Variants in LINGO2 observed in about 807,000 individuals in gnomAD.
The protein encoded by LINGO2 is leucine rich repeat and Ig domain containing 2.
Under a neutral mutation model 30.6 loss-of-function variants are expected in LINGO2, and 14 were observed. That is an observed-to-expected ratio of 0.46 (90% CI 0.30 to 0.72). The LOEUF (loss-of-function observed/expected upper bound fraction) is 0.72. Ranked by LOEUF, LINGO2 falls within the 30% of genes least tolerant of loss-of-function variation. The probability of loss-of-function intolerance (pLI) is 0.07; values close to 1 mark genes in which losing one functional copy is unlikely to be tolerated. For missense variants in LINGO2, 729 were observed against 751.7 expected, an observed-to-expected ratio of 0.97 and a Z score of 0.35; for synonymous variants, 317 against 288.5, an observed-to-expected ratio of 1.10 and a Z score of -1.00.
At chr9:28,370,799 A>G (rs1820865333) in intron 3 of LINGO2, among the ~76,000 whole-genome samples, 1 of 152,224 alleles carries the variant, frequency 6.6e-6, no homozygotes, top group South Asian at 2.1e-4. Context: ...TGTGGACCCT[A>G]TTTGGTCATT....
At chr9:28,506,407 TATATATATATATATACACAC>T (rs1327331179) in intron 1 of LINGO2, among the ~76,000 whole-genome samples, 3 of 5,734 alleles carry the variant, frequency 5.2e-4, no homozygotes, top group Non-Finnish European at 2.1e-3. Context: ...GACATATATA[TATATATATATATATACACAC>T]ACACACACAC....
intron 2 of LINGO2, among the ~76,000 whole-genome samples, chr9:28,452,674 T>C (rs891071683): frequency 6.6e-6 from 1 of 151,842 alleles, no homozygotes; most frequent in Admixed American, 6.6e-5. Context: ...AAGAAGTGAT[T>C]ACATCTGTTG....
intron 2 of LINGO2, among the ~76,000 whole-genome samples, chr9:28,462,652 A>G (rs989065500): frequency 2.6e-5 from 4 of 152,070 alleles, no homozygotes; most frequent in African/African-American, 9.6e-5. Context: ...TTGAAGGGAT[A>G]AAAATTAATC....
chr9:28,505,940 T>C (rs1003665171), intron 1 of LINGO2, among the ~76,000 whole-genome samples: 2 of 151,910 alleles, frequency 1.3e-5, no homozygotes, highest in East Asian at 3.9e-4. Context: ...AAGGAATTAT[T>C]ATTATGCAAG....
At chr9:28,249,012 G>A (rs796753563) in intron 4 of LINGO2, among the ~76,000 whole-genome samples, 1 of 152,120 alleles carries the variant, frequency 6.6e-6, no homozygotes, top group South Asian at 2.1e-4. Context: ...ATGCTCTCAT[G>A]TAGAACAACA....
intron 4 of LINGO2, among the ~76,000 whole-genome samples, chr9:28,208,295 G>C (rs552227840): frequency 6.6e-6 from 1 of 152,154 alleles, no homozygotes; most frequent in East Asian, 1.9e-4. Context: ...CCTGTGGGGT[G>C]GGGGAGGAGA....
the LINGO2 span, among the ~76,000 whole-genome samples, chr9:28,762,065 T>C: frequency 6.6e-6 from 1 of 152,062 alleles, no homozygotes; most frequent in African/African-American, 2.4e-5. Flanking sequence ...AGATTTTCTT[T>C]CTAATTCTAT....
chr9:29,061,260 C>T, the LINGO2 span, among the ~76,000 whole-genome samples: 2 of 151,874 alleles, frequency 1.3e-5, no homozygotes, highest in African/African-American at 4.8e-5. Flanking sequence ...ACTATAGGAT[C>T]AATACTATCC....
At chr9:28,124,197 A>T (rs115908245) in intron 4 of LINGO2, among the ~76,000 whole-genome samples, 237 of 152,306 alleles carry the variant, frequency 1.6e-3, no homozygotes, top group African/African-American at 5.4e-3. Flanking sequence ...GGCACTCATT[A>T]ACCCTGCTCA....
the LINGO2 span, among the ~76,000 whole-genome samples, chr9:29,073,084 T>A: frequency 6.6e-6 from 1 of 151,854 alleles, no homozygotes; most frequent in Non-Finnish European, 1.5e-5. Flanking sequence ...CCTGAATTTA[T>A]CTACAATCTT....
intron 5 of LINGO2, among the ~76,000 whole-genome samples, chr9:27,967,548 T>A (rs1426156271): frequency 6.6e-6 from 1 of 152,124 alleles, no homozygotes; most frequent in Non-Finnish European, 1.5e-5. Context: ...TAAATTGATA[T>A]TAATATGAAT....
intron 4 of LINGO2, among the ~76,000 whole-genome samples, chr9:28,150,996 T>C (rs1231014523): frequency 1.3e-5 from 2 of 151,960 alleles, no homozygotes; most frequent in Non-Finnish European, 2.9e-5. Context: ...CAAAGCCTTT[T>C]AGAGTATTTC....
the LINGO2 span, among the ~76,000 whole-genome samples, chr9:29,023,699 C>T: frequency 6.6e-6 from 1 of 152,040 alleles, no homozygotes; most frequent in African/African-American, 2.4e-5. Flanking sequence ...AAAATATTTA[C>T]ATGGCTTAAG....
At chr9:28,774,872 G>A in the LINGO2 span, among the ~76,000 whole-genome samples, 1 of 151,938 alleles carries the variant, frequency 6.6e-6, no homozygotes, top group African/African-American at 2.4e-5. Flanking sequence ...TTTAACAGCT[G>A]TATATATTTA....
chr9:28,959,600 T>TCTCG, the LINGO2 span, among the ~76,000 whole-genome samples: 1 of 138,098 alleles, frequency 7.2e-6, no homozygotes, highest in Non-Finnish European at 1.5e-5. Flanking sequence ...TCTCTCTCTC[T>TCTCG]CTCTCTCTCC....
chr9:28,169,867 T>C (rs1828533061), intron 4 of LINGO2, among the ~76,000 whole-genome samples: 1 of 152,194 alleles, frequency 6.6e-6, no homozygotes, highest in African/African-American at 2.4e-5. Flanking sequence ...TTCCCAAATA[T>C]CTGCAATCTA....
chr9:28,048,427 C>T lies in LINGO2; in HGVS notation c.-86-36022G>A, dbSNP rs550536671. On this transcript the variant is annotated intron_variant, in intron 4 of 5. Transcript: ENST00000379992. ...TACATAAATATTAATAAACAAATAC[C>T]GAGGAAACACTATCCCAAATGGAAC... Among the ~76,000 whole-genome samples, 91 of 150,598 alleles carry T rather than the reference C, an allele frequency of 6.0e-4. 3 individuals carry two copies. Among genetic ancestry groups the T allele is most frequent in the African/African-American group, 2.0e-3 (81 of 40,828 alleles).
the LINGO2 span, among the ~76,000 whole-genome samples, chr9:29,080,291 T>A: frequency 3.9e-5 from 6 of 152,100 alleles, no homozygotes; most frequent in Non-Finnish European, 8.8e-5. Context: ...GGTGGTGATA[T>A]CCCCTTTATC....
intron 4 of LINGO2, among the ~76,000 whole-genome samples, chr9:28,189,270 AGGAAGGGAGGGAGGGAGGG>A (rs1564028615): frequency 0.071 from 5,242 of 73,964 alleles, 398 homozygotes; most frequent in African/African-American, 0.11. Context: ...GAAGGGAGGG[AGGAAGGGAGGGAGGGAGGG>A]AGGAAGGAAG....
Sources: allele counts gnomAD v4.1 joint callset (sites outside exome capture counted in the v4.1 genomes callset), GRCh38; gene constraint gnomAD v4.1.1; transcripts MANE v1.5; gene names NCBI Gene and HGNC (gene_info 2026-07-23, HGNC 2026-07-21).